TRIO: variants seen among roughly 807,000 people sequenced by gnomAD.
The protein encoded by TRIO is triple functional domain protein.
Under a neutral mutation model 351.9 loss-of-function variants are expected in TRIO, and 58 were observed. The ratio of observed to expected loss-of-function variants is 0.16; its 90% CI spans 0.13 to 0.21. The LOEUF (loss-of-function observed/expected upper bound fraction) is 0.21, where lower values mean the gene tolerates loss of function less well. Among genes scored for constraint, TRIO ranks in the 10% least tolerant of loss-of-function variants. TRIO has a pLI of 1.00. For synonymous variants in TRIO, 1,758 were observed against 1,595.7 expected, an observed-to-expected ratio of 1.10 and a Z score of -2.42; for missense variants, 3,201 against 4,027.8, an observed-to-expected ratio of 0.79 and a Z score of 5.56.
intron 11 of TRIO, among the ~76,000 whole-genome samples, chr5:14,343,349 C>G (rs1255211815): frequency 6.6e-6 from 1 of 152,200 alleles, no homozygotes; most frequent in African/African-American, 2.4e-5. Flanking sequence ...GATACAGAAC[C>G]ATACAGAATT....
chr5:14,419,697 C>A, intron 33 of TRIO, 81 bp from the exon 34 acceptor site: 1 of 1,568,244 alleles, frequency 6.4e-7, no homozygotes, highest in Admixed American at 1.7e-5. Flanking sequence ...CAGGAACCCA[C>A]CTGGAGGACT....
intron 23 of TRIO, 185 bp downstream of exon 23, chr5:14,388,032 G>T: frequency 3.4e-6 from 2 of 583,510 alleles, no homozygotes; most frequent in Non-Finnish European, 6.1e-6. Context: ...ACCTGGTTCA[G>T]AAACAGCATC....
chr5:14,352,427 A>G (rs529784249), intron 11 of TRIO, among the ~76,000 whole-genome samples: 7 of 152,138 alleles, frequency 4.6e-5, no homozygotes, highest in African/African-American at 1.4e-4. Flanking sequence ...CAGAAGTACA[A>G]TTTTTCCTCT....
intron 1 of TRIO, among the ~76,000 whole-genome samples, chr5:14,260,655 T>A (rs1795291371): frequency 1.3e-5 from 2 of 152,184 alleles, no homozygotes; most frequent in African/African-American, 4.8e-5. Flanking sequence ...AATTCTGATG[T>A]TTGTTTGTGG....
At position 14,493,939 on chromosome 5, in the gene TRIO, C is replaced by G. The variant is rs116449771; in HGVS notation, c.7880+1125C>G. Among the ~76,000 whole-genome samples, 1,461 of 152,232 alleles carry G rather than the reference C, an allele frequency of 9.6e-3. 21 individuals carry two copies. The highest frequency in any genetic ancestry group is 0.032 in the African/African-American group (1,336 of 41,518). ...ACCTTGCCTTAAGCCAAAGCCCAAC[C>G]CAGAACAAGGCTCCATCTCTCTCCA... On this transcript the variant is annotated intron_variant, in intron 49 of 56. Coordinates refer to ENST00000344204, the MANE Select transcript of TRIO (RefSeq NM_007118.4).
rs57424190 is a variant in TRIO at position 14,291,788 on chromosome 5, T to TAAAAAAAAAA, written c.1053+579_1053+588dup. The stretch of plus-strand genomic sequence containing the variant: ...TGGGCGACAGAGTGAGACTCCGTCT[T>TAAAAAAAAAA]AAAAAAAAAAAAAAAAAAAAAAAAA... On this transcript the variant is annotated intron_variant, in intron 5 of 56. Coordinates refer to ENST00000344204, the MANE Select transcript of TRIO (RefSeq NM_007118.4). Among the ~76,000 whole-genome samples the TAAAAAAAAAA allele has an allele frequency of 4.6e-3, 459 of 100,844 alleles. 6 individuals are homozygous for TAAAAAAAAAA. Among genetic ancestry groups the TAAAAAAAAAA allele is most frequent in the African/African-American group, 5.6e-3 (126 of 22,508 alleles). 66.2% of individuals were successfully genotyped at this position (100,844 alleles called of 152,430 possible). A position where few individuals can be genotyped will look rare whatever the true frequency, so the allele number is the denominator to read the frequency against.
At chr5:14,461,350 G>A in intron 35 of TRIO, 39 bp downstream of exon 35, 1 of 1,471,660 alleles carries the variant, frequency 6.8e-7, no homozygotes, top group Non-Finnish European at 9.0e-7. Flanking sequence ...GCGTGGCGGG[G>A]CCCGCTGGGC....
At chr5:14,268,215 T>G (rs2152267852) in intron 1 of TRIO, among the ~76,000 whole-genome samples, 1 of 152,290 alleles carries the variant, frequency 6.6e-6, no homozygotes, top group Admixed American at 6.5e-5. Flanking sequence ...ATTTATTGAG[T>G]TCTGTTTTCT....
chr5:14,357,364 GTAAT>G, intron 11 of TRIO, among the ~76,000 whole-genome samples: 1 of 152,276 alleles, frequency 6.6e-6, no homozygotes, highest in South Asian at 2.1e-4. Flanking sequence ...CCCATTTAAT[GTAAT>G]TAATTGTCTT....
intron 8 of TRIO, among the ~76,000 whole-genome samples, chr5:14,310,039 T>C (rs1738777455): frequency 6.6e-6 from 1 of 152,236 alleles, no homozygotes; most frequent in South Asian, 2.1e-4. Context: ...GTTTGTGCTT[T>C]AGCAACAGGA....
chr5:14,344,442 A>G (rs1742233148), intron 11 of TRIO, among the ~76,000 whole-genome samples: 1 of 152,220 alleles, frequency 6.6e-6, no homozygotes, highest in South Asian at 2.1e-4. Flanking sequence ...CACACCCCCT[A>G]AATTTGCTGA....
At chr5:14,370,860 G>A (rs1021275211) in intron 18 of TRIO, among the ~76,000 whole-genome samples, 48 of 152,164 alleles carry the variant, frequency 3.2e-4, no homozygotes, top group African/African-American at 1.1e-3. Flanking sequence ...GATCTGTTTA[G>A]TATGAAAGAA....
intron 49 of TRIO, among the ~76,000 whole-genome samples, chr5:14,494,808 A>G (rs1756754113): frequency 6.6e-6 from 1 of 152,230 alleles, no homozygotes; most frequent in African/African-American, 2.4e-5. Flanking sequence ...CTGAGACAGG[A>G]GAATTGCTTG....
Position 14,489,084 on chromosome 5 carries a change from C to A in TRIO, c.7632+824C>A, listed in dbSNP as rs561451286. On this transcript the variant is annotated intron_variant, in intron 48 of 56. Transcript: ENST00000344204. ...TGAAGGCATGCGTGAGTGAATAGAA[C>A]TGTTCTAATGAGTGTATGTTTGAAC... is the stretch of plus-strand genomic sequence containing the variant. 3 of 765,060 alleles carry A rather than the reference C, an allele frequency of 3.9e-6. No individual in the cohort carries two copies. The Admixed American group carries it at 5.1e-5, about 13-fold the overall frequency. 47.4% of individuals were successfully genotyped at this position (765,060 alleles called of 1,614,324 possible). A position where few individuals can be genotyped will look rare whatever the true frequency, so the allele number is the denominator to read the frequency against.
chr5:14,308,800 A>G (rs375415911), intron 8 of TRIO, among the ~76,000 whole-genome samples: 20 of 74,414 alleles, frequency 2.7e-4, no homozygotes, highest in African/African-American at 1.0e-3. Context: ...CACCCATCCT[A>G]CAGCCATCCA....
chr5:14,170,640 G>A (rs574245096), intron 1 of TRIO, among the ~76,000 whole-genome samples: 26 of 151,986 alleles, frequency 1.7e-4, no homozygotes, highest in African/African-American at 6.0e-4. Flanking sequence ...CCGAGTAGCT[G>A]GGATTACAGG....
intron 1 of TRIO, among the ~76,000 whole-genome samples, chr5:14,186,625 TG>T (rs752200807): frequency 5.9e-5 from 9 of 152,098 alleles, no homozygotes; most frequent in Non-Finnish European, 1.3e-4. Flanking sequence ...TTGCCCAGGC[TG>T]GAGTGCAGTG....
At chr5:14,264,903 G>T (rs149581012) in intron 1 of TRIO, among the ~76,000 whole-genome samples, 52 of 152,262 alleles carry the variant, frequency 3.4e-4, no homozygotes, top group Non-Finnish European at 5.7e-4. Flanking sequence ...GCGTGCGCGC[G>T]CGAAGTTTCC....
chr5:14,331,329 G>A (rs1165633337), intron 10 of TRIO, among the ~76,000 whole-genome samples: 1 of 152,160 alleles, frequency 6.6e-6, no homozygotes, highest in Non-Finnish European at 1.5e-5. Context: ...TGGGATTTGT[G>A]GGGTTTGAGC....
Sources: gnomAD v4.1 joint callset for allele counts (sites outside exome capture counted in the v4.1 genomes callset) on GRCh38, gnomAD v4.1.1 for gene constraint, MANE v1.5 for transcripts, NCBI Gene and HGNC (gene_info 2026-07-23, HGNC 2026-07-21) for gene names.